The following TMEM242 variants were observed in gnomAD, a reference collection of about 807,000 sequenced individuals.
TMEM242 encodes the protein transmembrane protein 242, also known as UPF0463 transmembrane protein C6orf35.
In TMEM242, 10 loss-of-function variants were observed where a neutral mutation model predicts 18.2. That is an observed-to-expected ratio of 0.55 (90% CI 0.34 to 0.93). TMEM242 has a LOEUF of 0.93. TMEM242 is among the 40% of genes least tolerant of loss of function. The pLI is 0.02. For missense variants in TMEM242, 186 were observed against 175.5 expected, an observed-to-expected ratio of 1.06 and a Z score of -0.34; for synonymous variants, 57 against 69.9, an observed-to-expected ratio of 0.81 and a Z score of 0.92.
rs926576070 is a variant in TMEM242 at position 157,318,688 on chromosome 6, A to G, written c.327+94T>C. On this transcript the variant is annotated intron_variant, in intron 3 of 3. Transcript: ENST00000400788. ...CATCATCTCCCTAGACAGTGACCAA[A>G]CTACATGCAAATAAATTTGAAAACC... 2.0e-6 allele frequency: 3 copies of G among 1,522,624 alleles called. No individual in the cohort carries two copies. In the African/African-American group the frequency reaches 4.1e-5, roughly 21 times the overall value. The allele number at this position is 1,522,624 out of a possible 1,614,324, so 94.3% of individuals were successfully genotyped here. A position where few individuals can be genotyped will look rare whatever the true frequency, so the allele number is the denominator to read the frequency against.
At chr6:157,306,964 T>C (rs587626866) in intron 3 of TMEM242, among the ~76,000 whole-genome samples, 36 of 152,322 alleles carry the variant, frequency 2.4e-4, no homozygotes, top group African/African-American at 8.2e-4. Flanking sequence ...ACATTTCAGG[T>C]AGAAAAATCC....
chr6:157,316,599 G>C (rs1290108207), intron 3 of TMEM242, among the ~76,000 whole-genome samples: 1 of 152,198 alleles, frequency 6.6e-6, no homozygotes, highest in Non-Finnish European at 1.5e-5. Flanking sequence ...GTGAGGGCCA[G>C]GTGCAGTGGC....
chr6:157,304,462 CAAAAAAA>C (rs782782714), intron 3 of TMEM242, among the ~76,000 whole-genome samples: 24 of 67,254 alleles, frequency 3.6e-4, no homozygotes, highest in Admixed American at 5.9e-4. Flanking sequence ...GAGACTCTGT[CAAAAAAA>C]AAAAAAAAAA....
At chr6:157,315,073 A>G (rs1554250206) in intron 3 of TMEM242, among the ~76,000 whole-genome samples, 1 of 152,210 alleles carries the variant, frequency 6.6e-6, no homozygotes, top group Non-Finnish European at 1.5e-5. Flanking sequence ...GACTTGGACC[A>G]TTTCTGTTTA....
chr6:157,312,872 G>A (rs1554249473), intron 3 of TMEM242, among the ~76,000 whole-genome samples: 1 of 141,376 alleles, frequency 7.1e-6, no homozygotes, highest in South Asian at 2.3e-4. Flanking sequence ...GTGTCCCAGT[G>A]TGCACTCACC....
chr6:157,310,334 T>A (rs587666962), intron 3 of TMEM242, among the ~76,000 whole-genome samples: 1 of 8,978 alleles, frequency 1.1e-4, no homozygotes, highest in East Asian at 3.1e-3. Context: ...ACTTAAACTA[T>A]CTGTCTTGAT....
intron 3 of TMEM242, among the ~76,000 whole-genome samples, chr6:157,304,776 C>T (rs1417824682): frequency 6.6e-6 from 1 of 152,142 alleles, no homozygotes; most frequent in African/African-American, 2.4e-5. Flanking sequence ...GGAATGAAGA[C>T]ATCTGGAGAA....
At chr6:157,296,498 C>G (rs1468218303) in intron 3 of TMEM242, among the ~76,000 whole-genome samples, 1 of 152,136 alleles carries the variant, frequency 6.6e-6, no homozygotes, top group Non-Finnish European at 1.5e-5. Flanking sequence ...ACCTGGCCAA[C>G]GTGGTAAAAT....
chr6:157,308,377 A>T (rs920061416), intron 3 of TMEM242, among the ~76,000 whole-genome samples: 1 of 152,200 alleles, frequency 6.6e-6, no homozygotes, highest in African/African-American at 2.4e-5. Flanking sequence ...AGTGAGCCTA[A>T]ATATTATCAT....
At position 157,323,364 on chromosome 6, in the gene TMEM242, C is replaced by CG. The variant is rs1185141152; in HGVS notation, c.88+47dup. 14 of 1,591,308 alleles carry CG rather than the reference C, an allele frequency of 8.8e-6. No homozygotes were observed. The East Asian group carries it at 3.1e-4, about 36-fold the overall frequency. On this transcript the variant is annotated intron_variant, in intron 1 of 3. Transcript: ENST00000400788. ...GCCCGCTCCAGAGCAAGCCAGGGTC[C>CG]GGGGTTAACTCACCCCGACGCCCGC...
intron 3 of TMEM242, among the ~76,000 whole-genome samples, chr6:157,303,186 C>A (rs1777852900): frequency 6.6e-6 from 1 of 152,190 alleles, no homozygotes; most frequent in African/African-American, 2.4e-5. Context: ...TCCTCTAGAA[C>A]AGAGCTGGGC....
intron 3 of TMEM242, among the ~76,000 whole-genome samples, chr6:157,308,745 A>T (rs1554248098): frequency 1.3e-5 from 2 of 148,204 alleles, no homozygotes; most frequent in Non-Finnish European, 3.0e-5. Context: ...ACAGGAAGAA[A>T]GAGAGTTGGG....
chr6:157,312,976 G>A (rs1554249545), intron 3 of TMEM242, among the ~76,000 whole-genome samples: 18 of 93,538 alleles, frequency 1.9e-4, no homozygotes, highest in East Asian at 5.4e-4. Flanking sequence ...GCCTCAGTGT[G>A]CGCTCACCTA....
At chr6:157,317,961 C>A (rs1198530729) in intron 3 of TMEM242, among the ~76,000 whole-genome samples, 1 of 152,186 alleles carries the variant, frequency 6.6e-6, no homozygotes, top group East Asian at 1.9e-4. Flanking sequence ...ACAGAACTTC[C>A]AACCAGTTGT....
intron 3 of TMEM242, among the ~76,000 whole-genome samples, chr6:157,317,748 G>T (rs1752607268): frequency 1.3e-5 from 2 of 152,050 alleles, no homozygotes; most frequent in Non-Finnish European, 2.9e-5. Context: ...TTCTCACACT[G>T]CTCCCCACCC....
In TMEM242 at chr6:157,322,642, C is replaced by T. The variant is rs1446896653; in HGVS notation, c.189+63G>A. 3.6e-6 allele frequency: 5 copies of T among 1,396,486 alleles called. No homozygotes were observed. The African/African-American group carries it at 4.3e-5, about 12-fold the overall frequency. The allele number at this position is 1,396,486 out of a possible 1,614,324, so 86.5% of individuals were successfully genotyped here. A position where few individuals can be genotyped will look rare whatever the true frequency, so the allele number is the denominator to read the frequency against. On this transcript the variant is annotated intron_variant, in intron 2 of 3. Coordinates refer to ENST00000400788, the MANE Select transcript of TMEM242 (RefSeq NM_018452.6). Reference sequence around the variant, plus strand: ...GACCATCAATATTTTATTTTTTCTACGCAAAAGCTGCCATATATTGTAAAC... The same window carrying T: ...GACCATCAATATTTTATTTTTTCTATGCAAAAGCTGCCATATATTGTAAAC...
chr6:157,301,992 G>C (rs777616153), intron 3 of TMEM242, among the ~76,000 whole-genome samples: 1 of 152,136 alleles, frequency 6.6e-6, no homozygotes, highest in Non-Finnish European at 1.5e-5. Flanking sequence ...GAGTTGGTGA[G>C]GGTGGGAAAG....
intron 1 of TMEM242, 27 bp downstream of exon 1, chr6:157,323,385 C>G (rs1554250862): frequency 1.2e-6 from 2 of 1,610,530 alleles, no homozygotes; most frequent in East Asian, 2.2e-5. Flanking sequence ...CACCCCGACG[C>G]CCGCACCTCA....
At chr6:157,298,526 G>A (rs1161096287) in intron 3 of TMEM242, among the ~76,000 whole-genome samples, 1 of 152,314 alleles carries the variant, frequency 6.6e-6, no homozygotes, top group East Asian at 1.9e-4. Context: ...ACATGCAGCT[G>A]CAGTCCCCAC....
Sources: gnomAD v4.1 joint callset for allele counts (sites outside exome capture counted in the v4.1 genomes callset) on GRCh38, gnomAD v4.1.1 for gene constraint, MANE v1.5 for transcripts, NCBI Gene and HGNC (gene_info 2026-07-23, HGNC 2026-07-21) for gene names.